SYNPR: variants seen among roughly 807,000 people sequenced by gnomAD.
SYNPR encodes the protein synaptoporin.
A neutral mutation model predicts 32.9 loss-of-function variants in SYNPR; 23 were observed. The observed-to-expected ratio is 0.70, with a 90% CI of 0.50 to 0.99. The LOEUF (loss-of-function observed/expected upper bound fraction) is 0.99. Among genes scored for constraint, SYNPR ranks in the 50% least tolerant of loss-of-function variants. The pLI is 0.00. For missense variants in SYNPR, 318 were observed against 349.3 expected (o/e 0.91, Z 0.71); for synonymous variants, 146 against 135.9 (o/e 1.07, Z -0.52).
intron 3 of SYNPR, among the ~76,000 whole-genome samples, chr3:63,545,027 G>GGA (rs1702375573): frequency 6.8e-6 from 1 of 146,650 alleles, no homozygotes; most frequent in Non-Finnish European, 1.5e-5. Context: ...TGATTTAGGG[G>GGA]AAAAAAAAAA....
chr3:63,380,565 T>C (rs1251630499), intron 2 of SYNPR, among the ~76,000 whole-genome samples: 1 of 152,176 alleles, frequency 6.6e-6, no homozygotes, highest in Admixed American at 6.5e-5. Context: ...TTTGTTTGAG[T>C]TCTTTGCAGA....
At chr3:63,331,200 A>G (rs1475542691) in intron 2 of SYNPR, among the ~76,000 whole-genome samples, 2 of 152,182 alleles carry the variant, frequency 1.3e-5, no homozygotes, top group African/African-American at 2.4e-5. Context: ...TTCCCAACAC[A>G]CTGATCCAGG....
At chr3:63,547,571 A>C (rs919602864) in intron 3 of SYNPR, among the ~76,000 whole-genome samples, 1 of 152,132 alleles carries the variant, frequency 6.6e-6, no homozygotes, top group African/African-American at 2.4e-5. Flanking sequence ...CCAGTGGAGC[A>C]ATGGAACAAT....
intron 3 of SYNPR, among the ~76,000 whole-genome samples, chr3:63,504,224 T>C (rs1223994933): frequency 4.6e-5 from 7 of 152,144 alleles, no homozygotes; most frequent in Non-Finnish European, 8.8e-5. Flanking sequence ...GGGAATATTA[T>C]AAAATTAGGA....
At chr3:63,566,674 C>T (rs1702794141) in intron 4 of SYNPR, among the ~76,000 whole-genome samples, 1 of 152,154 alleles carries the variant, frequency 6.6e-6, no homozygotes, top group Non-Finnish European at 1.5e-5. Flanking sequence ...CTCAGTACCA[C>T]CATCTACCAT....
chr3:63,496,670 T>G (rs562289642), intron 3 of SYNPR, among the ~76,000 whole-genome samples: 2 of 152,314 alleles, frequency 1.3e-5, no homozygotes, highest in South Asian at 4.1e-4. Flanking sequence ...ATTTACTTAA[T>G]TACTTTAGTG....
At chr3:63,242,200 T>C (rs1034683333) in intron 1 of SYNPR, among the ~76,000 whole-genome samples, 6 of 151,788 alleles carry the variant, frequency 4.0e-5, no homozygotes, top group Non-Finnish European at 8.8e-5. Flanking sequence ...GAAAGCAAAC[T>C]CAAAAATCAA....
At position 63,422,873 on chromosome 3, in the gene SYNPR, A is replaced by T. The variant is rs1022996655; in HGVS notation, c.85-57959A>T. Among the ~76,000 whole-genome samples the T allele has an allele frequency of 2.6e-5, 4 of 152,342 alleles. No homozygotes were observed. In the South Asian group the frequency reaches 8.3e-4, roughly 32 times the overall value. ...GATACTCATTGTATATTGTTGCAAT[A>T]ACAAAAATTGAAAACAACTTAAATG... On this transcript the variant is annotated intron_variant, in intron 2 of 5. Coordinates refer to ENST00000478300, the MANE Select transcript of SYNPR (RefSeq NM_001130003.2).
chr3:63,208,070 CAG>C, the SYNPR span, among the ~76,000 whole-genome samples: 1 of 151,968 alleles, frequency 6.6e-6, no homozygotes, highest in East Asian at 1.9e-4. Context: ...CACACACTCA[CAG>C]AGTCAATAAC....
chr3:63,367,735 A>G (rs539325741), intron 2 of SYNPR, among the ~76,000 whole-genome samples: 4 of 152,350 alleles, frequency 2.6e-5, no homozygotes, highest in South Asian at 2.1e-4. Context: ...AAACAGGCCC[A>G]GAGATGGTAA....
At chr3:63,582,648 T>C (rs1166138981) in intron 4 of SYNPR, among the ~76,000 whole-genome samples, 2 of 152,080 alleles carry the variant, frequency 1.3e-5, no homozygotes, top group Non-Finnish European at 2.9e-5. Flanking sequence ...TGATAAGATA[T>C]GACACAGGAA....
chr3:63,316,532 A>C (rs1245901316), intron 2 of SYNPR, among the ~76,000 whole-genome samples: 1 of 151,970 alleles, frequency 6.6e-6, no homozygotes, highest in Non-Finnish European at 1.5e-5. Flanking sequence ...AAAGGTGTTC[A>C]TAGTGGCCTT....
intron 2 of SYNPR, among the ~76,000 whole-genome samples, chr3:63,405,289 G>A (rs1318876345): frequency 3.9e-5 from 6 of 152,154 alleles, no homozygotes; most frequent in African/African-American, 9.7e-5. Flanking sequence ...GAAGAAATAC[G>A]TGAGGCTATG....
the SYNPR span, among the ~76,000 whole-genome samples, chr3:63,221,753 A>T: frequency 6.6e-6 from 1 of 152,282 alleles, no homozygotes; most frequent in African/African-American, 2.4e-5. Flanking sequence ...GAATCCTGGT[A>T]TTAACACTGT....
At chr3:63,487,717 T>C (rs1198513197) in intron 3 of SYNPR, among the ~76,000 whole-genome samples, 1 of 152,190 alleles carries the variant, frequency 6.6e-6, no homozygotes, top group Non-Finnish European at 1.5e-5. Context: ...TAAGACTTTT[T>C]AAAAAAATTT....
At chr3:63,516,968 TG>T (rs1701812643) in intron 3 of SYNPR, among the ~76,000 whole-genome samples, 1 of 152,182 alleles carries the variant, frequency 6.6e-6, no homozygotes, top group South Asian at 2.1e-4. Flanking sequence ...TTATTTAACC[TG>T]TCTTGCAACA....
Position 63,556,597 on chromosome 3 carries a change from G to C in SYNPR, c.264G>C (p.Lys88Asn), listed in dbSNP as rs765079886. The C allele has an allele frequency of 2.5e-6, 4 of 1,613,818 alleles. No individual in the cohort carries two copies. Among genetic ancestry groups the C allele is most frequent in the Admixed American group, 1.7e-5 (1 of 60,016 alleles). Residue 88 changes from lysine (K) to asparagine (N), a missense_variant, in exon 4 of 6, where the codon AAG becomes AAC. Coordinates refer to ENST00000478300, the MANE Select transcript of SYNPR (RefSeq NM_001130003.2). ...CCTGCGAGGGAAAGGAACGGCAGAA[G>C]CTGGCATTGATTGGTGACTCCTCGT... ...VPTCEGKERQKLALIGDSSSS... is the reference protein window; with the variant it reads ...VPTCEGKERQNLALIGDSSSS...
At chr3:63,469,415 T>C (rs1700754820) in intron 2 of SYNPR, among the ~76,000 whole-genome samples, 1 of 152,168 alleles carries the variant, frequency 6.6e-6, no homozygotes, top group Non-Finnish European at 1.5e-5. Context: ...CTATCATCAC[T>C]GATTTTCTTC....
At position 63,400,738 on chromosome 3, in the gene SYNPR, G is replaced by A. The variant is rs79192858; in HGVS notation, c.85-80094G>A. Among the ~76,000 whole-genome samples, 991 of 152,308 alleles carry A rather than the reference G, an allele frequency of 6.5e-3. 16 individuals carry two copies. In the East Asian group the frequency reaches 0.068, roughly 10 times the overall value. ...CAAAGACAGGAGTGTCAAAGAATTT[G>A]TGGACATATGTCAAACCCACCACAG... On this transcript the variant is annotated intron_variant, in intron 2 of 5. Transcript: ENST00000478300.
Sources: gnomAD v4.1 joint callset for allele counts (sites outside exome capture counted in the v4.1 genomes callset) on GRCh38, gnomAD v4.1.1 for gene constraint, MANE v1.5 for transcripts, NCBI Gene and HGNC (gene_info 2026-07-23, HGNC 2026-07-21) for gene names.